Variants in EPHA3 observed in about 807,000 individuals in gnomAD.
EPHA3 encodes the protein ephrin type-A receptor 3.
A neutral mutation model predicts 107.1 loss-of-function variants in EPHA3; 42 were observed. The observed-to-expected ratio is 0.39, with a 90% CI of 0.31 to 0.51. The LOEUF is 0.51. Ranked by LOEUF, EPHA3 falls within the 20% of genes least tolerant of loss-of-function variation. EPHA3 has a pLI of 0.78. For synonymous variants in EPHA3, 461 were observed against 424.8 expected, an observed-to-expected ratio of 1.09 and a Z score of -1.05; for missense variants, 1,183 against 1,211.2, an observed-to-expected ratio of 0.98 and a Z score of 0.35.
chr3:89,294,358 TC>T (rs2107334774), intron 3 of EPHA3, among the ~76,000 whole-genome samples: 1 of 152,274 alleles, frequency 6.6e-6, no homozygotes, highest in African/African-American at 2.4e-5. Context: ...TCAAATATTC[TC>T]CCCCAATACC....
At chr3:89,130,842 A>T (rs547485304) in intron 2 of EPHA3, among the ~76,000 whole-genome samples, 62 of 152,036 alleles carry the variant, frequency 4.1e-4, no homozygotes, top group Admixed American at 1.3e-3. Context: ...TTCACCGTGT[A>T]AGCCAAGATG....
chr3:89,162,821 G>A (rs980741111), intron 2 of EPHA3, among the ~76,000 whole-genome samples: 2 of 152,112 alleles, frequency 1.3e-5, no homozygotes, highest in African/African-American at 4.8e-5. Context: ...GCCACCCTTG[G>A]GAAGGACCTG....
intron 2 of EPHA3, among the ~76,000 whole-genome samples, chr3:89,130,759 C>T (rs1192784830): frequency 6.6e-6 from 1 of 152,042 alleles, no homozygotes; most frequent in East Asian, 1.9e-4. Context: ...CTCAGCCTCC[C>T]GAGTAGTTGG....
chr3:89,219,703 GTTTTTTGTTT>G (rs1704316484), intron 3 of EPHA3, among the ~76,000 whole-genome samples: 1 of 26,238 alleles, frequency 3.8e-5, no homozygotes, highest in African/African-American at 1.3e-4. Flanking sequence ...TTTTTTTTTT[GTTTTTTGTTT>G]TTTTTTTTTT....
chr3:89,136,990 G>A (rs549871399), intron 2 of EPHA3, among the ~76,000 whole-genome samples: 2 of 151,776 alleles, frequency 1.3e-5, no homozygotes, highest in South Asian at 4.2e-4. Context: ...CTTCAAATTA[G>A]CATATTTTCT....
At chr3:89,401,938 GGA>G (rs746662040) in intron 7 of EPHA3, among the ~76,000 whole-genome samples, 1 of 152,084 alleles carries the variant, frequency 6.6e-6, no homozygotes, top group Non-Finnish European at 1.5e-5. Context: ...TGATTTATCA[GGA>G]GAGATCCGAA....
intron 5 of EPHA3, among the ~76,000 whole-genome samples, chr3:89,390,955 T>G (rs1708716579): frequency 6.6e-6 from 1 of 151,666 alleles, no homozygotes; most frequent in Non-Finnish European, 1.5e-5. Flanking sequence ...ATCTGGCTCG[T>G]TTTTTTGTAT....
chr3:89,158,682 C>T (rs1704857523), intron 2 of EPHA3, among the ~76,000 whole-genome samples: 1 of 152,002 alleles, frequency 6.6e-6, no homozygotes. Flanking sequence ...TATCCCGTTG[C>T]TTCTCAAACA....
At chr3:89,263,544 C>A (rs1200361953) in intron 3 of EPHA3, among the ~76,000 whole-genome samples, 1 of 152,106 alleles carries the variant, frequency 6.6e-6, no homozygotes, top group African/African-American at 2.4e-5. Flanking sequence ...GGAGATGGGG[C>A]AGGTAGGTAA....
At chr3:89,453,540 A>G (rs1185501294) in intron 15 of EPHA3, among the ~76,000 whole-genome samples, 1 of 152,194 alleles carries the variant, frequency 6.6e-6, no homozygotes, top group East Asian at 1.9e-4. Context: ...ATCTCAATGT[A>G]CAGAATATAA....
chr3:89,260,675 A>C (rs930913202), intron 3 of EPHA3, among the ~76,000 whole-genome samples: 2 of 152,182 alleles, frequency 1.3e-5, no homozygotes, highest in East Asian at 3.9e-4. Flanking sequence ...TTTCTTTTCT[A>C]TGCCAAAGCT....
At chr3:89,214,274 G>A (rs1209130974) in intron 3 of EPHA3, among the ~76,000 whole-genome samples, 4 of 151,936 alleles carry the variant, frequency 2.6e-5, no homozygotes, top group Non-Finnish European at 5.9e-5. Flanking sequence ...ATCCACAAAA[G>A]GGATGGGCTT....
At chr3:89,218,336 T>A (rs1704269231) in intron 3 of EPHA3, among the ~76,000 whole-genome samples, 1 of 130,496 alleles carries the variant, frequency 7.7e-6, no homozygotes, top group Admixed American at 8.9e-5. Flanking sequence ...TTCCCCTTCC[T>A]GTGTCCATGT....
intron 2 of EPHA3, among the ~76,000 whole-genome samples, chr3:89,146,331 G>C (rs62274618): frequency 6.6e-6 from 1 of 151,830 alleles, no homozygotes; most frequent in South Asian, 2.1e-4. Context: ...AAGTGCATGA[G>C]TAATGATGCT....
At chr3:89,129,934 G>A (rs12714732) in intron 2 of EPHA3, among the ~76,000 whole-genome samples, 85,981 of 151,896 alleles carry the variant, frequency 0.57, 24,675 homozygotes, top group Admixed American at 0.65. Context: ...CTGACTGGAG[G>A]ATAACTAAAA....
At chr3:89,432,794 A>C (rs1437532946) in intron 13 of EPHA3, among the ~76,000 whole-genome samples, 1 of 152,090 alleles carries the variant, frequency 6.6e-6, no homozygotes, top group East Asian at 1.9e-4. Context: ...TTATATACTG[A>C]TATATAAAAT....
chr3:89,202,529 AAAAAAATATATATAT>A (rs1349363320), intron 2 of EPHA3, among the ~76,000 whole-genome samples: 1 of 36,838 alleles, frequency 2.7e-5, no homozygotes, highest in African/African-American at 4.7e-5. Context: ...AAAAAAAAAA[AAAAAAATATATATAT>A]ATATATATAT....
chr3:89,274,759 C>T (rs184426157), intron 3 of EPHA3, among the ~76,000 whole-genome samples: 3 of 151,946 alleles, frequency 2.0e-5, no homozygotes, highest in African/African-American at 2.4e-5. Flanking sequence ...GATTTAGAAT[C>T]GTAACCAAGG....
chr3:89,433,150 T>C (rs1239177746), intron 13 of EPHA3, among the ~76,000 whole-genome samples: 1 of 152,172 alleles, frequency 6.6e-6, no homozygotes, highest in Non-Finnish European at 1.5e-5. Context: ...GGCGTATATA[T>C]TGCCCAATTG....
Sources: gnomAD v4.1 joint callset for allele counts (sites outside exome capture counted in the v4.1 genomes callset) on GRCh38, gnomAD v4.1.1 for gene constraint, MANE v1.5 for transcripts, NCBI Gene and HGNC (gene_info 2026-07-23, HGNC 2026-07-21) for gene names.